PSTPIP1: variants seen among roughly 807,000 people sequenced by gnomAD.
PSTPIP1 encodes proline-serine-threonine phosphatase interacting protein 1.
PSTPIP1 carries 66 observed loss-of-function variants against 69.6 expected under a neutral mutation model. The observed-to-expected ratio is 0.95, with a 90% CI of 0.78 to 1.16. The LOEUF is 1.16. Ranked by LOEUF, PSTPIP1 falls within the 50% of genes most tolerant of loss-of-function variation. The pLI, the probability that PSTPIP1 is intolerant of heterozygous loss-of-function variation, is 0.00. For synonymous variants in PSTPIP1, 266 were observed against 222.7 expected, an observed-to-expected ratio of 1.19 and a Z score of -1.73; for missense variants, 603 against 557.4, an observed-to-expected ratio of 1.08 and a Z score of -0.82.
At chr15:77,006,290 C>A (rs1321597747) in intron 1 of PSTPIP1, among the ~76,000 whole-genome samples, 1 of 151,988 alleles carries the variant, frequency 6.6e-6, no homozygotes, top group Non-Finnish European at 1.5e-5. Context: ...CTATTTAAGA[C>A]CTTTGCCCAC....
chr15:77,034,986 C>T (rs1307102447), intron 12 of PSTPIP1, among the ~76,000 whole-genome samples: 1 of 152,368 alleles, frequency 6.6e-6, no homozygotes, highest in Non-Finnish European at 1.5e-5. Flanking sequence ...CGTGGGCCCA[C>T]AGGGAGGAGG....
chr15:77,036,568 G>C (rs906666445), intron 14 of PSTPIP1, among the ~76,000 whole-genome samples: 4 of 152,164 alleles, frequency 2.6e-5, no homozygotes, highest in Non-Finnish European at 5.9e-5. Context: ...CTGAGGCCAA[G>C]CACCCCCACA....
At chr15:77,022,881 C>A (rs1424143821) in intron 3 of PSTPIP1, among the ~76,000 whole-genome samples, 2 of 152,282 alleles carry the variant, frequency 1.3e-5, no homozygotes, top group African/African-American at 4.8e-5. Flanking sequence ...CCCAGGTACC[C>A]CAGACAGAGG....
intron 6 of PSTPIP1, 120 bp downstream of exon 6, chr15:77,028,034 C>T: frequency 4.2e-6 from 4 of 961,334 alleles, no homozygotes; most frequent in Non-Finnish European, 6.4e-6. Flanking sequence ...AGCCTTGGTC[C>T]TCGGACCTCG....
At chr15:77,025,339 C>T (rs750510893) in intron 4 of PSTPIP1, 21 bp downstream of exon 4, 35 of 1,601,912 alleles carry the variant, frequency 2.2e-5, no homozygotes, top group Non-Finnish European at 2.8e-5. Flanking sequence ...TACCCTGGGG[C>T]AATGGGATCT....
At chr15:77,025,629 G>A in intron 5 of PSTPIP1, 25 bp downstream of exon 5, 2 of 1,522,544 alleles carry the variant, frequency 1.3e-6, no homozygotes, top group East Asian at 2.5e-5. Flanking sequence ...GGGGGCGGGG[G>A]AGCTGCTCCC....
intron 1 of PSTPIP1, among the ~76,000 whole-genome samples, chr15:77,002,870 C>A (rs1177776735): frequency 6.6e-6 from 1 of 152,196 alleles, no homozygotes; most frequent in African/African-American, 2.4e-5. Flanking sequence ...ACTAGGGCAG[C>A]CCCTGGGATG....
chr15:76,995,485 C>A lies in PSTPIP1; in HGVS notation c.-89C>A. The A allele has an allele frequency of 6.2e-7, 1 of 1,607,416 alleles. No homozygotes were observed. Among genetic ancestry groups the A allele is most frequent in the African/African-American group, 1.3e-5 (1 of 74,976 alleles). On this transcript the variant is annotated 5_prime_UTR_variant, in exon 1 of 15. Coordinates refer to ENST00000558012, the MANE Select transcript of PSTPIP1 (RefSeq NM_003978.5). ...GAAGGGGGGCCTGGGCCAGCCCTGC[C>A]AGGACTGGGACGCTGCTGCTGGCGC...
chr15:77,028,451 C>G (rs972029748), intron 6 of PSTPIP1, 103 bp from the exon 7 acceptor site: 1 of 1,030,522 alleles, frequency 9.7e-7, no homozygotes, highest in South Asian at 1.8e-5. Flanking sequence ...CCACCCGCAA[C>G]CCTCGCCAGG....
At chr15:77,024,799 A>G (rs1031686274) in intron 3 of PSTPIP1, among the ~76,000 whole-genome samples, 6 of 150,602 alleles carry the variant, frequency 4.0e-5, no homozygotes, top group African/African-American at 1.5e-4. Context: ...CTGCCCTGCT[A>G]GCCTCTCCCA....
At position 77,007,712 on chromosome 15, in the gene PSTPIP1, A is replaced by G. The variant is rs1206755443; in HGVS notation, c.37-10436A>G. 64 of 339,326 alleles carry G rather than the reference A, an allele frequency of 1.9e-4. No homozygotes were observed. The Admixed American group carries it at 2.3e-3, about 12-fold the overall frequency. The allele number at this position is 339,326 out of a possible 1,614,324, so 21.0% of individuals were successfully genotyped here. ...TGGGTTCACGCCATTCTCCTGCCTC[A>G]GCCTCCCGAGTAGCTGGGACTACAG... On this transcript the variant is annotated intron_variant, in intron 1 of 14. Transcript: ENST00000558012.
intron 7 of PSTPIP1, among the ~76,000 whole-genome samples, chr15:77,028,997 G>A (rs1163081907): frequency 1.3e-5 from 2 of 152,240 alleles, no homozygotes; most frequent in African/African-American, 4.8e-5. Flanking sequence ...AGGAAACTGA[G>A]GCTCACAGTA....
rs541583620 is a variant in PSTPIP1 at position 77,030,958 on chromosome 15, G to A, written c.643-222G>A. Among the ~76,000 whole-genome samples, 172 of 152,352 alleles carry A rather than the reference G, an allele frequency of 1.1e-3. 2 individuals are homozygous for A. The highest frequency in any genetic ancestry group is 4.1e-3 in the African/African-American group (169 of 41,584). ...GCCTCGGTGTGGTGCAGCCTGAAGG[G>A]AGGCTGGGGCAGGGACCCCCTGGGC... On this transcript the variant is annotated intron_variant, in intron 9 of 14. Transcript: ENST00000558012.
chr15:77,022,721 C>T (rs1248241781), intron 3 of PSTPIP1, among the ~76,000 whole-genome samples: 4 of 152,166 alleles, frequency 2.6e-5, no homozygotes, highest in African/African-American at 9.7e-5. Flanking sequence ...TCATCTGGGG[C>T]CAAGAAAGGG....
At chr15:77,014,989 C>G (rs1255817709) in intron 1 of PSTPIP1, among the ~76,000 whole-genome samples, 1 of 152,212 alleles carries the variant, frequency 6.6e-6, no homozygotes, top group African/African-American at 2.4e-5. Context: ...CCCCACCTGG[C>G]ACCCCTAATC....
intron 1 of PSTPIP1, among the ~76,000 whole-genome samples, chr15:77,016,655 G>C (rs2076057949): frequency 6.6e-6 from 1 of 151,850 alleles, no homozygotes. Context: ...TGTCCTACAG[G>C]CCAGGAGAGT....
chr15:76,999,913 A>C (rs2075661312), intron 1 of PSTPIP1, among the ~76,000 whole-genome samples: 1 of 152,232 alleles, frequency 6.6e-6, no homozygotes, highest in African/African-American at 2.4e-5. Context: ...GATTCTATTG[A>C]GATCCACATC....
In PSTPIP1 at chr15:76,998,827, C is replaced by T. The variant is rs553621132; in HGVS notation, c.36+3218C>T. ...TTTATAGCCTGATTTTAGCTGCAGC[C>T]GAGTGTTCAGATGCACGCTGCTGTA... On this transcript the variant is annotated intron_variant, in intron 1 of 14. Coordinates refer to ENST00000558012, the MANE Select transcript of PSTPIP1 (RefSeq NM_003978.5). 1.2e-4 allele frequency among the ~76,000 whole-genome samples: 19 copies of T among 152,184 alleles called. No homozygotes were observed. The South Asian group carries it at 1.7e-3, about 13-fold the overall frequency.
At chr15:77,013,734 C>T (rs1035688250) in intron 1 of PSTPIP1, among the ~76,000 whole-genome samples, 1 of 152,184 alleles carries the variant, frequency 6.6e-6, no homozygotes, top group Non-Finnish European at 1.5e-5. Flanking sequence ...ACTTGGTTCC[C>T]AGGGAAGATT....
Sources: allele counts gnomAD v4.1 joint callset (sites outside exome capture counted in the v4.1 genomes callset), GRCh38; gene constraint gnomAD v4.1.1; transcripts MANE v1.5; gene names NCBI Gene and HGNC (gene_info 2026-07-23, HGNC 2026-07-21).